The following NMNAT3 variants were observed in gnomAD, a reference collection of about 807,000 sequenced individuals.
The protein encoded by NMNAT3 is nicotinamide/nicotinic acid mononucleotide adenylyltransferase 3.
Under a neutral mutation model 24.8 loss-of-function variants are expected in NMNAT3, and 21 were observed. The ratio of observed to expected loss-of-function variants is 0.85; its 90% CI spans 0.60 to 1.22. The LOEUF is 1.22. NMNAT3 is among the 50% of genes most tolerant of loss of function. The pLI, the probability that NMNAT3 is intolerant of heterozygous loss-of-function variation, is 0.00. For synonymous variants in NMNAT3, 136 were observed against 155.2 expected (o/e 0.88, Z 0.92); for missense variants, 387 against 436.6 (o/e 0.89, Z 1.01).
intron 3 of NMNAT3, among the ~76,000 whole-genome samples, chr3:139,612,737 GTTGGT>G (rs1292166733): frequency 6.6e-6 from 1 of 152,180 alleles, no homozygotes; most frequent in East Asian, 1.9e-4. Flanking sequence ...TGGTGAGCGA[GTTGGT>G]TAAAGACTTT....
chr3:139,578,723 T>C (rs1576551814), intron 5 of NMNAT3, 149 bp downstream of exon 5: 1 of 443,788 alleles, frequency 2.3e-6, no homozygotes, highest in South Asian at 3.0e-5. Context: ...TTGATCTCTC[T>C]CCTGCTAAGT....
chr3:139,653,343 A>C (rs1012317499), intron 1 of NMNAT3, among the ~76,000 whole-genome samples: 2 of 152,208 alleles, frequency 1.3e-5, no homozygotes, highest in African/African-American at 4.8e-5. Context: ...ATAATTTAAA[A>C]AAAAACTGTT....
intron 3 of NMNAT3, among the ~76,000 whole-genome samples, chr3:139,616,503 C>T (rs972958110): frequency 6.6e-6 from 1 of 152,126 alleles, no homozygotes; most frequent in Non-Finnish European, 1.5e-5. Context: ...ATAAATGTCT[C>T]TCTCCAGTCT....
intron 6 of NMNAT3, chr3:139,570,394 G>T (rs559939024): frequency 6.6e-6 from 1 of 152,210 alleles, no homozygotes; most frequent in South Asian, 2.1e-4. Flanking sequence ...GAGGAGCTGC[G>T]TTCCTTTGGA....
rs761363434 is a variant in NMNAT3, at chr3:139,575,977, G to A, written c.576-2297C>T. The A allele has an allele frequency of 3.1e-6, 4 of 1,288,178 alleles. No homozygotes were observed. In the East Asian group the frequency reaches 1.7e-4, roughly 54 times the overall value. The allele number at this position is 1,288,178 out of a possible 1,614,324, so 79.8% of individuals were successfully genotyped here. On this transcript the variant is annotated intron_variant, in intron 5 of 6. Transcript: ENST00000643695. ...TGACCGTGATTAACGTAGCCTCTCT[G>A]AGCCTCAGTTTCTTTATCTGTAAAA...
At position 139,677,330 on chromosome 3, in the gene NMNAT3, C is replaced by G. The variant is rs183171239; in HGVS notation, c.-141+375G>C. The stretch of plus-strand genomic sequence containing the variant: ...CATTTTTTGGCCTGCTACTGTAACC[C>G]CAGCACTTAGCCCAGCAGCGGACAC... On this transcript the variant is annotated intron_variant, in intron 1 of 6. Transcript: ENST00000643695. Among the ~76,000 whole-genome samples the G allele has an allele frequency of 3.2e-3, 488 of 152,348 alleles. 1 individual carries two copies. Among genetic ancestry groups the G allele is most frequent in the Middle Eastern group, 0.017 (5 of 294 alleles).
rs370400301 is a variant in NMNAT3, at chr3:139,627,669, G to T, written c.56C>A (p.Thr19Asn). The stretch of plus-strand genomic sequence containing the variant: ...CTCAAACATGCGCAGGTGCATGTTG[G>T]TGATGGGGTTAAAGGAGCCACAGGC... Residue 19 changes from threonine to asparagine, a missense_variant, in exon 3 of 7, where the codon ACC becomes AAC. Physicochemically the swap from Thr to Asn is moderately conservative, Grantham distance 65 (BLOSUM62 0). Transcript: ENST00000643695. 2.5e-6 allele frequency: 4 copies of T among 1,596,362 alleles called. No individual in the cohort carries two copies. Among genetic ancestry groups the T allele is most frequent in the South Asian group, 2.2e-5 (2 of 90,802 alleles).
intron 3 of NMNAT3, among the ~76,000 whole-genome samples, chr3:139,594,053 A>G (rs2054326275): frequency 6.6e-6 from 1 of 152,156 alleles, no homozygotes; most frequent in Admixed American, 6.5e-5. Context: ...AACAAAATTG[A>G]TAGATCACTA....
At chr3:139,634,528 T>A (rs1265205163) in intron 2 of NMNAT3, 83 bp downstream of exon 3, 2 of 152,180 alleles carry the variant, frequency 1.3e-5, no homozygotes, top group African/African-American at 4.8e-5. Flanking sequence ...CAATCAACCT[T>A]CATGCGATCT....
intron 2 of NMNAT3, among the ~76,000 whole-genome samples, chr3:139,630,082 A>C (rs2056230590): frequency 6.6e-6 from 1 of 152,218 alleles, no homozygotes; most frequent in Non-Finnish European, 1.5e-5. Context: ...CAATTCTTTC[A>C]GTTTCTGTCT....
At position 139,596,958 on chromosome 3, in the gene NMNAT3, ATATATATT is replaced by A. The variant is rs1374014540; in HGVS notation, c.110-13758_110-13751del. 3.7e-4 allele frequency among the ~76,000 whole-genome samples: 32 copies of A among 86,342 alleles called. 1 individual carries two copies. Among genetic ancestry groups the A allele is most frequent in the African/African-American group, 6.1e-4 (13 of 21,410 alleles). The allele number at this position is 86,342 out of a possible 152,430, so 56.6% of individuals were successfully genotyped here. ...TATATATATATATATATATATATATATATATATTTTTATTACATTGCATTACAACCATT... is the reference window on the plus strand; with the variant it reads ...TATATATATATATATATATATATATATTTATTACATTGCATTACAACCATT... On this transcript the variant is annotated intron_variant, in intron 3 of 6. Transcript: ENST00000643695.
chr3:139,569,134 AG>A (rs1363094080), intron 6 of NMNAT3: 1 of 151,502 alleles, frequency 6.6e-6, no homozygotes, highest in East Asian at 1.9e-4. Context: ...GTTGGTTTAA[AG>A]TCTGTTTTAT....
At chr3:139,647,731 T>C (rs2056915288) in intron 1 of NMNAT3, among the ~76,000 whole-genome samples, 1 of 152,192 alleles carries the variant, frequency 6.6e-6, no homozygotes, top group Admixed American at 6.5e-5. Flanking sequence ...AATTTCTCCC[T>C]TGAGCCTCTG....
intron 1 of NMNAT3, among the ~76,000 whole-genome samples, chr3:139,667,168 A>T (rs1057076822): frequency 1.3e-5 from 2 of 152,204 alleles, no homozygotes; most frequent in Non-Finnish European, 2.9e-5. Context: ...TTTCTGAGGA[A>T]CTTCCATACT....
chr3:139,585,218 T>A (rs1289672559), intron 3 of NMNAT3, among the ~76,000 whole-genome samples: 1 of 152,226 alleles, frequency 6.6e-6, no homozygotes, highest in Admixed American at 6.5e-5. Context: ...CGAATTTGTC[T>A]ATTTTGCCTT....
chr3:139,659,143 A>G (rs935430130), intron 1 of NMNAT3, among the ~76,000 whole-genome samples: 2 of 152,194 alleles, frequency 1.3e-5, no homozygotes, highest in South Asian at 2.1e-4. Context: ...TTATTTGGCT[A>G]TACCACAGTT....
In NMNAT3 at chr3:139,594,585, C is replaced by G. The variant is rs1345097022; in HGVS notation, c.110-11377G>C. On this transcript the variant is annotated intron_variant, in intron 3 of 6. Transcript: ENST00000643695. ...TCAATAAAATACTGGCAAACCGAAT[C>G]CAGCAGCACATCAAAAAGCTTATCC... 2.6e-5 allele frequency among the ~76,000 whole-genome samples: 4 copies of G among 152,280 alleles called. No homozygotes were observed. In the South Asian group the frequency reaches 6.2e-4, roughly 24 times the overall value.
intron 1 of NMNAT3, among the ~76,000 whole-genome samples, chr3:139,663,063 A>G (rs1294678069): frequency 2.0e-5 from 3 of 152,260 alleles, no homozygotes; most frequent in African/African-American, 7.2e-5. Flanking sequence ...TCTGGAAGTC[A>G]GAAGTCCAAA....
chr3:139,591,398 G>T (rs1013161485), intron 3 of NMNAT3, among the ~76,000 whole-genome samples: 1 of 152,146 alleles, frequency 6.6e-6, no homozygotes, highest in Non-Finnish European at 1.5e-5. Flanking sequence ...GGGAAGGGGC[G>T]CCCGCCATTG....
Sources: allele counts gnomAD v4.1 joint callset (sites outside exome capture counted in the v4.1 genomes callset), GRCh38; gene constraint gnomAD v4.1.1; transcripts MANE v1.5; gene names NCBI Gene and HGNC (gene_info 2026-07-23, HGNC 2026-07-21).